MECOM: variants seen among roughly 807,000 people sequenced by gnomAD.
MECOM encodes the protein histone-lysine N-methyltransferase MECOM.
Under a neutral mutation model 116.3 loss-of-function variants are expected in MECOM, and 13 were observed. The observed-to-expected ratio is 0.11, with a 90% CI of 0.07 to 0.18. The LOEUF is 0.18. Ranked by LOEUF, MECOM falls within the 10% of genes least tolerant of loss-of-function variation. The pLI, the probability that MECOM is intolerant of heterozygous loss-of-function variation, is 1.00. For missense variants in MECOM, 1,299 were observed against 1,509.0 expected, an observed-to-expected ratio of 0.86 and a Z score of 2.31; for synonymous variants, 528 against 535.2, an observed-to-expected ratio of 0.99 and a Z score of 0.19.
intron 1 of MECOM, among the ~76,000 whole-genome samples, chr3:169,632,668 G>A (rs991252232): frequency 3.9e-5 from 6 of 152,130 alleles, no homozygotes; most frequent in African/African-American, 7.2e-5. Flanking sequence ...CTTCTCTCAC[G>A]TGCAAACACC....
chr3:169,434,114 C>G lies in MECOM; in HGVS notation c.38-52590G>C, dbSNP rs529030008. Reference sequence around the variant, plus strand: ...ATTTAGATAATGAATACCACATGTCCTTCAATAATTTTAAAATTCAGTTAA... The same window carrying G: ...ATTTAGATAATGAATACCACATGTCGTTCAATAATTTTAAAATTCAGTTAA... On this transcript the variant is annotated intron_variant, in intron 1 of 16. Transcript: ENST00000651503. Among the ~76,000 whole-genome samples, 217 of 152,118 alleles carry G rather than the reference C, an allele frequency of 1.4e-3. 2 individuals are homozygous for G. The highest frequency in any genetic ancestry group is 4.8e-3 in the African/African-American group (199 of 41,496).
At chr3:169,098,202 T>G (rs1179364967) in intron 12 of MECOM, among the ~76,000 whole-genome samples, 1 of 152,176 alleles carries the variant, frequency 6.6e-6, no homozygotes, top group Non-Finnish European at 1.5e-5. Flanking sequence ...AAATACAGAC[T>G]TTATTTTAAT....
At chr3:169,472,659 A>C (rs1749709192) in intron 1 of MECOM, among the ~76,000 whole-genome samples, 1 of 125,062 alleles carries the variant, frequency 8.0e-6, no homozygotes, top group African/African-American at 3.7e-5. Context: ...AAAAGAAAAG[A>C]AAGGAAAGGA....
At chr3:169,180,351 C>T (rs1431222629) in intron 2 of MECOM, among the ~76,000 whole-genome samples, 1 of 152,044 alleles carries the variant, frequency 6.6e-6, no homozygotes, top group African/African-American at 2.4e-5. Context: ...TATATAGACA[C>T]ACACAAATAC....
intron 2 of MECOM, among the ~76,000 whole-genome samples, chr3:169,254,292 A>G (rs992856451): frequency 6.6e-6 from 1 of 152,152 alleles, no homozygotes; most frequent in African/African-American, 2.4e-5. Context: ...CCATGAATGG[A>G]TATCAACAGA....
chr3:169,208,310 T>C (rs1161213240), intron 2 of MECOM, among the ~76,000 whole-genome samples: 1 of 148,344 alleles, frequency 6.7e-6, no homozygotes, highest in Non-Finnish European at 1.5e-5. Context: ...CATTATATAA[T>C]ATGTATTATA....
intron 1 of MECOM, among the ~76,000 whole-genome samples, chr3:169,487,792 G>A (rs558000675): frequency 4.0e-5 from 6 of 150,172 alleles, no homozygotes; most frequent in African/African-American, 1.5e-4. Context: ...GGGAGGGGGC[G>A]GGAGGGTCGG....
At chr3:169,103,260 T>C (rs1344623909) in intron 10 of MECOM, among the ~76,000 whole-genome samples, 1 of 151,902 alleles carries the variant, frequency 6.6e-6, no homozygotes, top group Non-Finnish European at 1.5e-5. Flanking sequence ...TAAGCTACTG[T>C]GCCCAGTCTT....
Position 169,269,506 on chromosome 3 carries a change from C to A in MECOM, c.375+111681G>T, listed in dbSNP as rs1758689743. On this transcript the variant is annotated intron_variant, in intron 2 of 16. Coordinates refer to ENST00000651503, the MANE Select transcript of MECOM (RefSeq NM_004991.4). ...GTTTAGTTGCAATGAACTCAAAACG[C>A]ACTCAGGGTATGACTCAAGAATGAA... 2.0e-5 allele frequency among the ~76,000 whole-genome samples: 3 copies of A among 152,298 alleles called. No individual in the cohort carries two copies. In the South Asian group the frequency reaches 6.2e-4, roughly 32 times the overall value.
chr3:169,333,622 T>C (rs1463921073), intron 2 of MECOM, among the ~76,000 whole-genome samples: 1 of 152,156 alleles, frequency 6.6e-6, no homozygotes, highest in Non-Finnish European at 1.5e-5. Flanking sequence ...TACAAGTAAA[T>C]ACAAATTTTA....
intron 1 of MECOM, among the ~76,000 whole-genome samples, chr3:169,644,795 C>A (rs183221694): frequency 9.9e-5 from 15 of 152,258 alleles, no homozygotes; most frequent in South Asian, 8.3e-4. Context: ...CAAATGAAAT[C>A]TCTCAGAGGT....
At chr3:169,482,598 T>G (rs2108860794) in intron 1 of MECOM, among the ~76,000 whole-genome samples, 1 of 152,288 alleles carries the variant, frequency 6.6e-6, no homozygotes, top group East Asian at 1.9e-4. Context: ...CCTCCCAAAG[T>G]GCTGGGATTA....
intron 2 of MECOM, among the ~76,000 whole-genome samples, chr3:169,189,428 C>G (rs1477246727): frequency 6.6e-6 from 1 of 151,956 alleles, no homozygotes; most frequent in Non-Finnish European, 1.5e-5. Flanking sequence ...CTTTGGGGCT[C>G]TGCTGTAGCT....
intron 2 of MECOM, among the ~76,000 whole-genome samples, chr3:169,351,311 A>G (rs1475496105): frequency 6.6e-6 from 1 of 151,894 alleles, no homozygotes; most frequent in Non-Finnish European, 1.5e-5. Context: ...AGGAAAAATC[A>G]AAGTTTTGTC....
At chr3:169,195,586 C>A (rs1306814781) in intron 2 of MECOM, among the ~76,000 whole-genome samples, 1 of 152,016 alleles carries the variant, frequency 6.6e-6, no homozygotes, top group East Asian at 1.9e-4. Context: ...CACTTTATAA[C>A]CCTCTGCTTA....
intron 1 of MECOM, among the ~76,000 whole-genome samples, chr3:169,468,902 A>G (rs1748736896): frequency 1.3e-5 from 2 of 152,292 alleles, no homozygotes; most frequent in South Asian, 4.1e-4. Context: ...GCCACCAAGG[A>G]ATCTGAATGC....
intron 2 of MECOM, among the ~76,000 whole-genome samples, chr3:169,227,154 A>G (rs764054029): frequency 5.3e-5 from 8 of 152,200 alleles, no homozygotes; most frequent in Non-Finnish European, 1.2e-4. Flanking sequence ...CCCAGATTGT[A>G]CACAGTACTA....
intron 1 of MECOM, among the ~76,000 whole-genome samples, chr3:169,441,907 TTGTTTTGTTA>T (rs1332795004): frequency 4.0e-5 from 6 of 150,998 alleles, no homozygotes; most frequent in African/African-American, 1.5e-4. Flanking sequence ...ATGTTTTGTT[TTGTTTTGTTA>T]TGTTTTGTTT....
At chr3:169,211,674 T>C (rs1187763283) in intron 2 of MECOM, among the ~76,000 whole-genome samples, 2 of 152,192 alleles carry the variant, frequency 1.3e-5, no homozygotes, top group East Asian at 1.9e-4. Context: ...GAGGGTTTCA[T>C]GTTAGGCTGT....
Sources: gnomAD v4.1 joint callset for allele counts (sites outside exome capture counted in the v4.1 genomes callset) on GRCh38, gnomAD v4.1.1 for gene constraint, MANE v1.5 for transcripts, NCBI Gene and HGNC (gene_info 2026-07-23, HGNC 2026-07-21) for gene names.